Variants in JAK2 observed in about 807,000 individuals in gnomAD.
JAK2 encodes tyrosine-protein kinase JAK2.
Under a neutral mutation model 139.3 loss-of-function variants are expected in JAK2, and 86 were observed. The observed-to-expected ratio is 0.62, with a 90% CI of 0.52 to 0.74. The LOEUF (loss-of-function observed/expected upper bound fraction) is 0.74. Ranked by LOEUF, JAK2 falls within the 30% of genes least tolerant of loss-of-function variation. The pLI, the probability that JAK2 is intolerant of heterozygous loss-of-function variation, is 0.00. For synonymous variants in JAK2, 490 were observed against 437.7 expected (o/e 1.12, Z -1.49); for missense variants, 1,421 against 1,360.3 (o/e 1.04, Z -0.70).
intron 22 of JAK2, among the ~76,000 whole-genome samples, chr9:5,118,255 T>C (rs542977627): frequency 6.6e-6 from 1 of 152,340 alleles, no homozygotes; most frequent in South Asian, 2.1e-4. Flanking sequence ...GTACAAACTT[T>C]GTATCATTCC....
Position 5,089,993 on chromosome 9 carries a change from T to G in JAK2, c.2761+130T>G, listed in dbSNP as rs527273856. 9.9e-6 allele frequency: 5 copies of G among 503,888 alleles called. No individual in the cohort carries two copies. The South Asian group carries it at 2.7e-4, about 27-fold the overall frequency. 31.2% of individuals were successfully genotyped at this position (503,888 alleles called of 1,614,324 possible). A position where few individuals can be genotyped will look rare whatever the true frequency, so the allele number is the denominator to read the frequency against. On this transcript the variant is annotated intron_variant, in intron 20 of 24. Coordinates refer to ENST00000381652, the MANE Select transcript of JAK2 (RefSeq NM_004972.4). ...AGAGGGAGAGGCATTCTATAATGAC[T>G]AGAGATTGTGTTTGGTGATCATAGA...
intron 4 of JAK2, among the ~76,000 whole-genome samples, chr9:5,031,471 G>A (rs1823142692): frequency 2.0e-5 from 3 of 152,100 alleles, no homozygotes; most frequent in Admixed American, 2.0e-4. Flanking sequence ...AACGTGGAAG[G>A]GAGAGATTAG....
At chr9:5,023,329 A>G (rs1280166304) in intron 3 of JAK2, among the ~76,000 whole-genome samples, 1 of 152,190 alleles carries the variant, frequency 6.6e-6, no homozygotes, top group Admixed American at 6.5e-5. Flanking sequence ...GCTGTGAATG[A>G]CATGATTACA....
chr9:5,100,089 A>ACTAGTACTATTAG (rs1393758185), intron 22 of JAK2: 2 of 152,236 alleles, frequency 1.3e-5, no homozygotes, highest in African/African-American at 2.4e-5. Context: ...CAGGAGACAC[A>ACTAGTACTATTAG]CTAGTACTAT....
intron 2 of JAK2, among the ~76,000 whole-genome samples, chr9:5,008,974 A>G (rs1821505264): frequency 6.6e-6 from 1 of 152,126 alleles, no homozygotes; most frequent in Non-Finnish European, 1.5e-5. Context: ...TGTCTTCCAA[A>G]TTATGAGTTT....
rs752012407 is a variant in JAK2 at position 5,050,836 on chromosome 9, T to G, written c.614+5T>G. The G allele has an allele frequency of 3.9e-5, 63 of 1,611,876 alleles. No individual in the cohort carries two copies. Among genetic ancestry groups the G allele is most frequent in the Non-Finnish European group, 5.0e-5 (59 of 1,178,522 alleles). On this transcript the variant is annotated splice_donor_5th_base_variant and intron_variant, in intron 6 of 24. Transcript: ENST00000381652. ...GGCCATCTATAACTCTATCAGGTAA[T>G]TTTCTTTTGCAAATCCTTACACATA...
intron 22 of JAK2, among the ~76,000 whole-genome samples, chr9:5,105,543 T>G (rs1490293453): frequency 2.0e-5 from 3 of 152,222 alleles, no homozygotes; most frequent in African/African-American, 7.2e-5. Context: ...ATGACTTTTT[T>G]CATAGAACTG....
intron 19 of JAK2, among the ~76,000 whole-genome samples, chr9:5,083,409 C>A (rs1198478135): frequency 6.6e-6 from 1 of 152,156 alleles, no homozygotes; most frequent in Non-Finnish European, 1.5e-5. Context: ...CTAGTAAGTA[C>A]CATGTTAGTG....
intron 22 of JAK2, among the ~76,000 whole-genome samples, chr9:5,095,588 C>T (rs555910088): frequency 3.9e-5 from 6 of 152,202 alleles, no homozygotes; most frequent in Admixed American, 6.5e-5. Flanking sequence ...ACCCAGGGAA[C>T]TTCTCTAATG....
At chr9:5,016,571 G>C (rs1057132205) in intron 2 of JAK2, among the ~76,000 whole-genome samples, 1 of 152,190 alleles carries the variant, frequency 6.6e-6, no homozygotes, top group Non-Finnish European at 1.5e-5. Context: ...TCTAATTGAA[G>C]TGTAACACAC....
intron 3 of JAK2, among the ~76,000 whole-genome samples, chr9:5,026,272 A>G (rs1236316471): frequency 6.6e-6 from 1 of 152,174 alleles, no homozygotes; most frequent in Non-Finnish European, 1.5e-5. Context: ...GGTAATCATT[A>G]TTCATTATAA....
chr9:5,081,292 C>CAA (rs1239385897), intron 18 of JAK2, among the ~76,000 whole-genome samples: 2 of 150,904 alleles, frequency 1.3e-5, no homozygotes, highest in Non-Finnish European at 3.0e-5. Context: ...TTTTAAAAAA[C>CAA]AATTCTCTTT....
chr9:5,005,463 G>T (rs1465698805), intron 2 of JAK2, among the ~76,000 whole-genome samples: 2 of 151,848 alleles, frequency 1.3e-5, no homozygotes, highest in Non-Finnish European at 2.9e-5. Context: ...TTTTAAATCT[G>T]GTATAATGAT....
intron 2 of JAK2, among the ~76,000 whole-genome samples, chr9:4,989,229 A>G (rs541207461): frequency 6.6e-6 from 1 of 152,238 alleles, no homozygotes; most frequent in African/African-American, 2.4e-5. Flanking sequence ...GCTGATTTCC[A>G]CACTTTCTAA....
chr9:5,084,340 T>C lies in JAK2; in HGVS notation c.2571+2479T>C, dbSNP rs1310035481. Reference sequence around the variant, plus strand: ...ATGTGTTCAGTGGTTTGTCTAGATATTTGTACTGCCTTACTGAAACAATCA... The same window carrying C: ...ATGTGTTCAGTGGTTTGTCTAGATACTTGTACTGCCTTACTGAAACAATCA... On this transcript the variant is annotated intron_variant, in intron 19 of 24. Coordinates refer to ENST00000381652, the MANE Select transcript of JAK2 (RefSeq NM_004972.4). 4.6e-5 allele frequency among the ~76,000 whole-genome samples: 7 copies of C among 152,170 alleles called. No homozygotes were observed. The East Asian group carries it at 1.3e-3, about 29-fold the overall frequency.
chr9:5,005,610 C>G (rs1026926340), intron 2 of JAK2, among the ~76,000 whole-genome samples: 1 of 152,000 alleles, frequency 6.6e-6, no homozygotes, highest in Non-Finnish European at 1.5e-5. Flanking sequence ...GAGAGAGATT[C>G]CAGTGTAATT....
chr9:5,011,913 G>C (rs1414613179), intron 2 of JAK2, among the ~76,000 whole-genome samples: 1 of 152,178 alleles, frequency 6.6e-6, no homozygotes, highest in East Asian at 1.9e-4. Flanking sequence ...TGGCGTTTCA[G>C]TGGAAAGCCT....
intron 3 of JAK2, among the ~76,000 whole-genome samples, chr9:5,026,591 A>T (rs1822797411): frequency 6.6e-6 from 1 of 152,212 alleles, no homozygotes; most frequent in East Asian, 1.9e-4. Context: ...GGATTAAAAA[A>T]ATTTTACATA....
At chr9:5,047,055 G>A (rs1335683487) in intron 5 of JAK2, among the ~76,000 whole-genome samples, 1 of 151,938 alleles carries the variant, frequency 6.6e-6, no homozygotes, top group Non-Finnish European at 1.5e-5. Flanking sequence ...GCATGGCAAG[G>A]TAATTCCACC....
Sources: allele counts gnomAD v4.1 joint callset (sites outside exome capture counted in the v4.1 genomes callset), GRCh38; gene constraint gnomAD v4.1.1; transcripts MANE v1.5; gene names NCBI Gene and HGNC (gene_info 2026-07-23, HGNC 2026-07-21).